Variants in DNAJC11 observed in about 807,000 individuals in gnomAD.
DNAJC11 encodes dnaJ homolog subfamily C member 11.
A neutral mutation model predicts 78.6 loss-of-function variants in DNAJC11; 15 were observed. That is an observed-to-expected ratio of 0.19 (90% CI 0.13 to 0.29). DNAJC11 has a LOEUF of 0.29. Among genes scored for constraint, DNAJC11 ranks in the 10% least tolerant of loss-of-function variants. The probability of loss-of-function intolerance (pLI) is 1.00; values close to 1 mark genes in which losing one functional copy is unlikely to be tolerated. For synonymous variants in DNAJC11, 292 were observed against 272.1 expected (o/e 1.07, Z -0.72); for missense variants, 547 against 709.6 (o/e 0.77, Z 2.60).
At chr1:6,648,140 A>G (rs968208396) in intron 7 of DNAJC11, among the ~76,000 whole-genome samples, 2 of 152,012 alleles carry the variant, frequency 1.3e-5, no homozygotes, top group East Asian at 1.9e-4. Flanking sequence ...CCCCTCCCTC[A>G]TAAGACCCAA....
chr1:6,649,678 C>G (rs1208084618), intron 7 of DNAJC11, among the ~76,000 whole-genome samples: 2 of 151,978 alleles, frequency 1.3e-5, no homozygotes, highest in Non-Finnish European at 2.9e-5. Context: ...GGCAGGCACA[C>G]AGATACATGT....
intron 1 of DNAJC11, among the ~76,000 whole-genome samples, chr1:6,693,074 T>G (rs529529102): frequency 3.4e-4 from 51 of 149,344 alleles, no homozygotes; most frequent in African/African-American, 1.1e-3. Flanking sequence ...CCCGGCTAAT[T>G]TTTTTTTTTC....
intron 11 of DNAJC11, among the ~76,000 whole-genome samples, chr1:6,638,944 CAT>C (rs925416975): frequency 2.6e-5 from 4 of 152,242 alleles, no homozygotes; most frequent in African/African-American, 9.6e-5. Flanking sequence ...TGGGCCAGCA[CAT>C]GTCTTGTTCT....
At chr1:6,652,377 T>A (rs1187593135) in intron 6 of DNAJC11, among the ~76,000 whole-genome samples, 2 of 152,218 alleles carry the variant, frequency 1.3e-5, no homozygotes, top group Non-Finnish European at 2.9e-5. Flanking sequence ...TGTTTTTCTA[T>A]GCCAATTTTA....
In DNAJC11 at chr1:6,634,750, G is replaced by A. The variant is rs559976716; in HGVS notation, c.*925C>T. The A allele has an allele frequency of 2.8e-4, 371 of 1,346,510 alleles. 4 individuals carry two copies. The South Asian group carries it at 3.6e-3, about 13-fold the overall frequency. 83.4% of individuals were successfully genotyped at this position (1,346,510 alleles called of 1,614,324 possible). A position where few individuals can be genotyped will look rare whatever the true frequency, so the allele number is the denominator to read the frequency against. On this transcript the variant is annotated 3_prime_UTR_variant, in exon 16 of 16. Coordinates refer to ENST00000377577, the MANE Select transcript of DNAJC11 (RefSeq NM_018198.4). ...CAGGCCCTGGTGTTCCTGTGAGGAC[G>A]CTGGACCTGCAGGAGCGGGGAGCTG... is the stretch of plus-strand genomic sequence containing the variant.
At chr1:6,649,506 G>A (rs942973094) in intron 7 of DNAJC11, among the ~76,000 whole-genome samples, 4 of 152,116 alleles carry the variant, frequency 2.6e-5, no homozygotes, top group Non-Finnish European at 4.4e-5. Flanking sequence ...GCCTCCGCCT[G>A]CCCCACAGGC....
rs918842913 is a variant in DNAJC11 at position 6,666,485 on chromosome 1, C to T, written c.378+1224G>A. 2.7e-5 allele frequency among the ~76,000 whole-genome samples: 4 copies of T among 148,772 alleles called. No homozygotes were observed. In the South Asian group the frequency reaches 8.5e-4, roughly 31 times the overall value. On this transcript the variant is annotated intron_variant, in intron 4 of 15. Coordinates refer to ENST00000377577, the MANE Select transcript of DNAJC11 (RefSeq NM_018198.4). ...CACCACAACCTCCACCTCCCTGGTT[C>T]AAGCTATTCTCCTGTCTCAGCCTCC...
At position 6,635,661 on chromosome 1, in the gene DNAJC11, T is replaced by C; in HGVS notation, c.*14A>G. 1 of 1,613,560 alleles carries C rather than the reference T, an allele frequency of 6.2e-7. No individual in the cohort carries two copies. The highest frequency in any genetic ancestry group is 1.7e-5 in the Admixed American group (1 of 59,828). The stretch of plus-strand genomic sequence containing the variant: ...GATTTTTTGCGGCCTTTTAAAAATC[T>C]GGTTCTTGGCAGTTTATCCATCTGT... On this transcript the variant is annotated 3_prime_UTR_variant, in exon 16 of 16. Transcript: ENST00000377577.
intron 1 of DNAJC11, among the ~76,000 whole-genome samples, chr1:6,690,224 C>A (rs1642723295): frequency 6.6e-6 from 1 of 152,130 alleles, no homozygotes; most frequent in South Asian, 2.1e-4. Context: ...ACCAGATCAA[C>A]GATTCATCCA....
intron 10 of DNAJC11, 98 bp from the exon 11 acceptor site, chr1:6,640,155 C>T (rs2148727496): frequency 7.2e-7 from 1 of 1,380,078 alleles, no homozygotes; most frequent in Non-Finnish European, 9.6e-7. Context: ...AGAACTTGTG[C>T]TGCGTGCAGC....
intron 1 of DNAJC11, among the ~76,000 whole-genome samples, chr1:6,695,232 C>T (rs1475063519): frequency 6.6e-6 from 1 of 151,560 alleles, no homozygotes; most frequent in Non-Finnish European, 1.5e-5. Flanking sequence ...AACTCCTGGA[C>T]TTAAGTTATC....
At chr1:6,683,844 G>A (rs576331163) in intron 1 of DNAJC11, among the ~76,000 whole-genome samples, 7 of 152,322 alleles carry the variant, frequency 4.6e-5, no homozygotes, top group Admixed American at 4.6e-4. Flanking sequence ...TTCTCTAGAA[G>A]AGGTGGGCCT....
chr1:6,637,555 C>T (rs1370271342), intron 12 of DNAJC11, 51 bp from the exon 13 acceptor site: 3 of 1,607,084 alleles, frequency 1.9e-6, no homozygotes, highest in Middle Eastern at 1.7e-4. Context: ...GCCTGTTCCA[C>T]CTCTGGTGAG....
rs1362887733 is a variant in DNAJC11 at position 6,645,808 on chromosome 1, T to C, written c.875A>G (p.His292Arg). The change falls in exon 8 of 16, where the codon CAC (histidine) becomes CGC (arginine). Residue 292 changes from histidine to arginine, a missense_variant. His to Arg is a conservative substitution (Grantham distance 29, BLOSUM62 0). Coordinates refer to ENST00000377577, the MANE Select transcript of DNAJC11 (RefSeq NM_018198.4). The surrounding 1 kb of genome is among the most constrained non-coding windows in gnomAD (Gnocchi z 4.1). Reference protein sequence around the residue: ...TSIVRDTKTSHFTVALQLGIP... With the variant: ...TSIVRDTKTSRFTVALQLGIP... ...GCTCACCTGCAGGGCCACAGTGAAG[T>C]GGCTGGTTTTAGTGTCTCGGACGAT... 15 of 1,613,980 alleles carry C rather than the reference T, an allele frequency of 9.3e-6. No individual in the cohort carries two copies. Among genetic ancestry groups the C allele is most frequent in the Admixed American group, 1.7e-5 (1 of 60,026 alleles).
chr1:6,674,207 G>A (rs1414088523), intron 3 of DNAJC11, among the ~76,000 whole-genome samples: 2 of 152,074 alleles, frequency 1.3e-5, no homozygotes, highest in African/African-American at 2.4e-5. Context: ...AGTTGGGAAT[G>A]GTTACATCTC....
Position 6,653,999 on chromosome 1 carries a change from T to A in DNAJC11, c.419A>T (p.Asp140Val), listed in dbSNP as rs760165466. 2 of 1,613,490 alleles carry A rather than the reference T, an allele frequency of 1.2e-6. No homozygotes were observed. Among genetic ancestry groups the A allele is most frequent in the Admixed American group, 1.7e-5 (1 of 59,980 alleles). Residue 140 changes from aspartate to valine, a missense_variant, in exon 5 of 16, where the codon GAT becomes GTT. Coordinates refer to ENST00000377577, the MANE Select transcript of DNAJC11 (RefSeq NM_018198.4). This position sits in a 1 kb window ranked among gnomAD's most constrained non-coding sequence, Gnocchi z 4.5. ...ATCTTCATACTCCTCATCATAGCGA[T>A]CAAAAAGGTCGGTGGCATCTACTCC... ...SVGVDATDLFDRYDEEYEDVS... is the reference protein window; with the variant it reads ...SVGVDATDLFVRYDEEYEDVS...
chr1:6,670,493 A>T (rs897972330), intron 3 of DNAJC11: 2 of 150,764 alleles, frequency 1.3e-5, no homozygotes, highest in Admixed American at 6.6e-5. Flanking sequence ...TTCAACAAAT[A>T]AAAAAAAATA....
At chr1:6,687,637 G>A (rs1177833737) in intron 1 of DNAJC11, among the ~76,000 whole-genome samples, 1 of 152,044 alleles carries the variant, frequency 6.6e-6, no homozygotes, top group Non-Finnish European at 1.5e-5. Context: ...GATTACACGC[G>A]TGAGCCACTG....
intron 3 of DNAJC11, among the ~76,000 whole-genome samples, chr1:6,675,103 T>C (rs1387850120): frequency 1.3e-5 from 2 of 152,236 alleles, no homozygotes; most frequent in African/African-American, 4.8e-5. Context: ...TGAAGGAATG[T>C]TGATGCCAGC....
Sources: allele counts gnomAD v4.1 joint callset (sites outside exome capture counted in the v4.1 genomes callset), GRCh38; gene constraint gnomAD v4.1.1; non-coding constraint Gnocchi (gnomAD v3.1); transcripts MANE v1.5; gene names NCBI Gene and HGNC (gene_info 2026-07-23, HGNC 2026-07-21).